CSGALNACT1: variants seen among roughly 807,000 people sequenced by gnomAD.
CSGALNACT1 encodes beta4GalNAcT-1.
A neutral mutation model predicts 51.0 loss-of-function variants in CSGALNACT1; 52 were observed. The ratio of observed to expected loss-of-function variants is 1.02; its 90% CI spans 0.82 to 1.29. The LOEUF (loss-of-function observed/expected upper bound fraction) is 1.29, where lower values mean the gene tolerates loss of function less well. Ranked by LOEUF, CSGALNACT1 falls within the 50% of genes most tolerant of loss-of-function variation. The pLI, the probability that CSGALNACT1 is intolerant of heterozygous loss-of-function variation, is 0.00. For synonymous variants in CSGALNACT1, 341 were observed against 254.4 expected, an observed-to-expected ratio of 1.34 and a Z score of -3.24; for missense variants, 935 against 679.2, an observed-to-expected ratio of 1.38 and a Z score of -4.19.
At chr8:19,604,941 A>T (rs564816754), upstream of CSGALNACT1, among the ~76,000 whole-genome samples, 190 of 148,656 alleles carry the variant, frequency 1.3e-3, 1 homozygote, top group African/African-American at 4.4e-3. Flanking sequence ...AAAAGTAAGT[A>T]TGGGGCTTAC....
At chr8:19,445,085 GAATAGA>G (rs560685123) in intron 5 of CSGALNACT1, among the ~76,000 whole-genome samples, 329 of 152,268 alleles carry the variant, frequency 2.2e-3, no homozygotes, top group African/African-American at 7.5e-3. Flanking sequence ...AAAGGACAGG[GAATAGA>G]GGCCTAGGAT....
intron 3 of CSGALNACT1, among the ~76,000 whole-genome samples, chr8:19,529,012 G>A (rs1489135498): frequency 2.0e-5 from 3 of 152,162 alleles, no homozygotes; most frequent in Non-Finnish European, 2.9e-5. Flanking sequence ...AGTAGATGGG[G>A]CTGTCATTCA....
upstream of CSGALNACT1, among the ~76,000 whole-genome samples, chr8:19,686,353 T>C (rs536049802): frequency 6.6e-6 from 1 of 152,300 alleles, no homozygotes; most frequent in African/African-American, 2.4e-5. Context: ...ACTTTATCTA[T>C]AGGAGACAGC....
intron 1 of CSGALNACT1, among the ~76,000 whole-genome samples, chr8:19,625,260 A>T (rs1429436971): frequency 1.3e-5 from 2 of 152,242 alleles, no homozygotes; most frequent in Non-Finnish European, 2.9e-5. Context: ...CAGTCTATTA[A>T]GGAGGAAGAA....
intron 4 of CSGALNACT1, among the ~76,000 whole-genome samples, chr8:19,472,014 T>C (rs1022461883): frequency 6.6e-6 from 1 of 152,154 alleles, no homozygotes; most frequent in Non-Finnish European, 1.5e-5. Flanking sequence ...AATGAAGAAA[T>C]GGCAGATCCA....
At chr8:19,642,781 C>T (rs1326129970) in intron 1 of CSGALNACT1, among the ~76,000 whole-genome samples, 1 of 148,168 alleles carries the variant, frequency 6.7e-6, no homozygotes, top group Non-Finnish European at 1.5e-5. Context: ...AAAGTGAGAC[C>T]CTGTCACAAA....
chr8:19,637,342 G>GT (rs2056207321), intron 1 of CSGALNACT1, among the ~76,000 whole-genome samples: 1 of 152,144 alleles, frequency 6.6e-6, no homozygotes, highest in African/African-American at 2.4e-5. Flanking sequence ...GGAGTTGGTC[G>GT]TTTTAGTAAT....
At chr8:19,677,995 A>T (rs1023528080) in intron 1 of CSGALNACT1, among the ~76,000 whole-genome samples, 18 of 152,120 alleles carry the variant, frequency 1.2e-4, no homozygotes, top group Admixed American at 5.9e-4. Flanking sequence ...GGGCACCTAT[A>T]ATCCCAGCTA....
At chr8:19,520,665 G>A (rs575002330) in intron 3 of CSGALNACT1, among the ~76,000 whole-genome samples, 1 of 152,316 alleles carries the variant, frequency 6.6e-6, no homozygotes, top group African/African-American at 2.4e-5. Flanking sequence ...TAACACTGTT[G>A]AACATTCCAC....
intron 4 of CSGALNACT1, among the ~76,000 whole-genome samples, chr8:19,499,961 T>C (rs912591126): frequency 6.6e-6 from 1 of 152,214 alleles, no homozygotes; most frequent in African/African-American, 2.4e-5. Flanking sequence ...GAGGGATTCA[T>C]TCTACAAAGT....
At chr8:19,422,737 T>G (rs1221925598) in intron 6 of CSGALNACT1, among the ~76,000 whole-genome samples, 1 of 152,206 alleles carries the variant, frequency 6.6e-6, no homozygotes, top group African/African-American at 2.4e-5. Flanking sequence ...CACCTTCATG[T>G]CTCTTAGAGG....
chr8:19,737,545 G>A (rs558115097), intron 1 of CSGALNACT1, among the ~76,000 whole-genome samples: 1 of 150,940 alleles, frequency 6.6e-6, no homozygotes, highest in South Asian at 2.1e-4. Flanking sequence ...GAGAACAACT[G>A]GAAAAACAAT....
intron 1 of CSGALNACT1, among the ~76,000 whole-genome samples, chr8:19,630,918 T>G (rs1289001831): frequency 6.6e-6 from 1 of 152,210 alleles, no homozygotes; most frequent in Non-Finnish European, 1.5e-5. Flanking sequence ...ATTTCCATCT[T>G]GTATCCGTTT....
chr8:19,577,305 G>C (rs1203111284), intron 3 of CSGALNACT1, among the ~76,000 whole-genome samples: 1 of 151,766 alleles, frequency 6.6e-6, no homozygotes, highest in African/African-American at 2.4e-5. Context: ...GCTCAGGCCT[G>C]TAATCCCAGC....
At position 19,755,956 on chromosome 8, in the gene CSGALNACT1, G is replaced by A. The variant is rs139713969; in HGVS notation, c.-297+1894C>T. 5.0e-3 allele frequency among the ~76,000 whole-genome samples: 758 copies of A among 152,152 alleles called. 9 individuals carry two copies. The highest frequency in any genetic ancestry group is 0.017 in the African/African-American group (704 of 41,486). The stretch of plus-strand genomic sequence containing the variant: ...GCTTTCTAGGAATTGACCATCTTCC[G>A]GCAGCCCAACACCTAGTCCCCTGTG... On this transcript the variant is annotated intron_variant, in intron 1 of 1. Coordinates refer to the CSGALNACT1 transcript ENST00000517494.
chr8:19,425,886 A>G (rs4921640), intron 6 of CSGALNACT1, among the ~76,000 whole-genome samples: 42,955 of 151,978 alleles, frequency 0.28, 6,336 homozygotes, highest in Middle Eastern at 0.37. Flanking sequence ...TTTAAGGCCC[A>G]TGTCAAGAAT....
intron 8 of CSGALNACT1, among the ~76,000 whole-genome samples, chr8:19,417,430 T>G (rs2082802660): frequency 6.6e-6 from 1 of 152,150 alleles, no homozygotes; most frequent in Admixed American, 6.5e-5. Context: ...GGAGAGAGGA[T>G]GAAAGGCACA....
At chr8:19,624,348 A>C (rs116955443) in intron 1 of CSGALNACT1, among the ~76,000 whole-genome samples, 2,433 of 152,168 alleles carry the variant, frequency 0.016, 32 homozygotes, top group Middle Eastern at 0.024. Flanking sequence ...TGAAGATCTC[A>C]TCATGCTTTT....
At chr8:19,644,275 C>G (rs2057034097) in intron 1 of CSGALNACT1, among the ~76,000 whole-genome samples, 1 of 151,776 alleles carries the variant, frequency 6.6e-6, no homozygotes, top group Admixed American at 6.6e-5. Context: ...TTATAGGTAA[C>G]TTATTTTATT....
Sources: allele counts gnomAD v4.1 joint callset (sites outside exome capture counted in the v4.1 genomes callset), GRCh38; gene constraint gnomAD v4.1.1; transcripts MANE v1.5; gene names NCBI Gene and HGNC (gene_info 2026-07-23, HGNC 2026-07-21).